SDK2: variants seen among roughly 807,000 people sequenced by gnomAD.
The protein encoded by SDK2 is protein sidekick-2.
In SDK2, 105 loss-of-function variants were observed where a neutral mutation model predicts 253.9. That is an observed-to-expected ratio of 0.41 (90% CI 0.35 to 0.49). The LOEUF (loss-of-function observed/expected upper bound fraction) is 0.49, where lower values mean the gene tolerates loss of function less well. Ranked by LOEUF, SDK2 falls within the 20% of genes least tolerant of loss-of-function variation. The pLI is 0.06. For synonymous variants in SDK2, 1,249 were observed against 1,234.9 expected (o/e 1.01, Z -0.24); for missense variants, 2,608 against 3,003.0 (o/e 0.87, Z 3.07).
At chr17:73,432,662 G>A (rs551573899) in intron 10 of SDK2, among the ~76,000 whole-genome samples, 121 of 151,748 alleles carry the variant, frequency 8.0e-4, no homozygotes, top group African/African-American at 2.8e-3. Context: ...GGGAGTGAAG[G>A]AGGTAGGGCT....
chr17:73,469,147 A>T (rs1446494786), intron 3 of SDK2, among the ~76,000 whole-genome samples: 1 of 152,042 alleles, frequency 6.6e-6, no homozygotes, highest in African/African-American at 2.4e-5. Context: ...ATTAAGCCAC[A>T]CTGCCTGTCA....
At chr17:73,572,774 C>T (rs1287761272) in intron 1 of SDK2, among the ~76,000 whole-genome samples, 1 of 152,110 alleles carries the variant, frequency 6.6e-6, no homozygotes. Context: ...TATCATTGAC[C>T]CCTTCTGTGT....
Position 73,398,352 on chromosome 17 carries a change from C to T in SDK2, c.3171G>A (p.Glu1057=). 3 of 1,614,008 alleles carry T rather than the reference C, an allele frequency of 1.9e-6. No homozygotes were observed. Among genetic ancestry groups the T allele is most frequent in the Non-Finnish European group, 2.5e-6 (3 of 1,179,872 alleles). ...LSNEPDARSM[E]VPDLNPFTCY... Reference sequence around the variant, plus strand: ...AGGTGAAGGGGTTGAGGTCGGGCACCTCCATGGAGCGGGCATCGGGCTCAT... The same window carrying T: ...AGGTGAAGGGGTTGAGGTCGGGCACTTCCATGGAGCGGGCATCGGGCTCAT... Residue 1057 remains glutamate, a synonymous_variant, in exon 23 of 45, where the codon GAG becomes GAA. Transcript: ENST00000392650.
chr17:73,418,885 A>C (rs904377), intron 16 of SDK2, among the ~76,000 whole-genome samples: 150,403 of 152,202 alleles, frequency 0.99, 74,346 homozygotes, highest in East Asian at 1. Context: ...AAAGTTACTT[A>C]TTTCTTCTCC....
intron 1 of SDK2, among the ~76,000 whole-genome samples, chr17:73,620,612 G>A (rs907725883): frequency 6.6e-6 from 1 of 152,204 alleles, no homozygotes; most frequent in Non-Finnish European, 1.5e-5. Context: ...CCAACAGGGG[G>A]AAATGGCACA....
rs8070821 is a variant in SDK2, at chr17:73,540,406, A to G, written c.65-32809T>C. ...ACACACAGTCCCCAATATACTAAAC[A>G]TATTTCTTTGTGTCTAACGTCAATG... On this transcript the variant is annotated intron_variant, in intron 1 of 44. Coordinates refer to ENST00000392650, the MANE Select transcript of SDK2 (RefSeq NM_001144952.2). Among the ~76,000 whole-genome samples the G allele has an allele frequency of 4.6e-3, 707 of 152,260 alleles. 1 individual carries two copies. The highest frequency in any genetic ancestry group is 0.016 in the African/African-American group (683 of 41,550).
At chr17:73,370,996 G>A (rs1228540255) in intron 36 of SDK2, among the ~76,000 whole-genome samples, 1 of 152,084 alleles carries the variant, frequency 6.6e-6, no homozygotes, top group Non-Finnish European at 1.5e-5. Context: ...CCCGGGAGGT[G>A]AAGGTTGCAG....
chr17:73,348,725 C>T lies in SDK2; in HGVS notation c.6039G>A (p.Arg2013=). 4 of 1,604,620 alleles carry T rather than the reference C, an allele frequency of 2.5e-6. No homozygotes were observed. The highest frequency in any genetic ancestry group is 1.1e-5 in the South Asian group (1 of 90,902). ...SFCRKNGLYT[R]SPPRPSPGSL... ...TGCCTGGGCTGGGCCTGGGGGGAGA[C>T]CTGGAGAGAGCGGGGGAGTGGGGCC... Residue 2013 remains arginine (R), a splice_region_variant and synonymous_variant, in exon 44 of 45, where the codon AGG becomes AGA. Coordinates refer to ENST00000392650, the MANE Select transcript of SDK2 (RefSeq NM_001144952.2).
chr17:73,587,745 C>G, intron 1 of SDK2, among the ~76,000 whole-genome samples: 1 of 152,214 alleles, frequency 6.6e-6, no homozygotes, highest in East Asian at 1.9e-4. Flanking sequence ...CCCTCAGGCC[C>G]GCTTCTCTGG....
intron 1 of SDK2, among the ~76,000 whole-genome samples, chr17:73,623,905 G>A (rs1288638980): frequency 6.6e-6 from 1 of 152,188 alleles, no homozygotes; most frequent in African/African-American, 2.4e-5. Flanking sequence ...TACTTAAGGG[G>A]GTGATTCCTT....
chr17:73,435,451 G>T lies in SDK2; in HGVS notation c.1194C>A (p.Thr398=). 1 of 1,588,230 alleles carries T rather than the reference G, an allele frequency of 6.3e-7. No individual in the cohort carries two copies. The highest frequency in any genetic ancestry group is 1.8e-5 in the Admixed American group (1 of 56,954). Residue 398 remains threonine (T), a splice_region_variant and synonymous_variant, in exon 9 of 45, where the codon ACC becomes ACA. Coordinates refer to ENST00000392650, the MANE Select transcript of SDK2 (RefSeq NM_001144952.2). This position sits in a 1 kb window ranked among gnomAD's most constrained non-coding sequence, Gnocchi z 5.7. ...EVQTSTYLAV[T]SIAPNITRGP... ...AGCACAAGGGAAGGCCCAACTTACTGGTGACAGCCAGGTAGGTGGAAGTTT... is the reference window on the plus strand; with the variant it reads ...AGCACAAGGGAAGGCCCAACTTACTTGTGACAGCCAGGTAGGTGGAAGTTT...
At chr17:73,456,643 G>A (rs1221214864) in intron 3 of SDK2, among the ~76,000 whole-genome samples, 1 of 152,228 alleles carries the variant, frequency 6.6e-6, no homozygotes, top group Non-Finnish European at 1.5e-5. Context: ...TAGTGTGTGA[G>A]TTTGTGTGTA....
At chr17:73,630,362 G>A (rs1397407576) in intron 1 of SDK2, among the ~76,000 whole-genome samples, 1 of 152,116 alleles carries the variant, frequency 6.6e-6, no homozygotes, top group Non-Finnish European at 1.5e-5. Context: ...ACTGCTCTAG[G>A]CCACTCCCTT....
intron 1 of SDK2, among the ~76,000 whole-genome samples, chr17:73,589,122 T>C (rs1201410703): frequency 4.6e-5 from 7 of 152,284 alleles, no homozygotes; most frequent in Admixed American, 2.6e-4. Flanking sequence ...TCACAGTCCC[T>C]GACTCACTCA....
chr17:73,350,837 C>A, intron 41 of SDK2, 47 bp from the exon 42 acceptor site: 2 of 1,553,080 alleles, frequency 1.3e-6, no homozygotes, highest in Non-Finnish European at 1.7e-6. Flanking sequence ...CCCCCTCCTC[C>A]CTCCAAATCT....
At chr17:73,510,491 T>C (rs1345317940) in intron 1 of SDK2, among the ~76,000 whole-genome samples, 2 of 152,108 alleles carry the variant, frequency 1.3e-5, no homozygotes, top group African/African-American at 4.8e-5. Context: ...TACGTCTGTC[T>C]GACTGCTGAT....
chr17:73,557,975 G>A (rs2045170606), intron 1 of SDK2, among the ~76,000 whole-genome samples: 1 of 152,172 alleles, frequency 6.6e-6, no homozygotes. Flanking sequence ...CTCTCCCCAG[G>A]GCTCCCTGGA....
At chr17:73,483,263 A>C (rs2063738081) in intron 2 of SDK2, among the ~76,000 whole-genome samples, 1 of 143,038 alleles carries the variant, frequency 7.0e-6, no homozygotes, top group African/African-American at 2.6e-5. Flanking sequence ...ATGGGAGGAG[A>C]GTGGGGCGAC....
intron 1 of SDK2, among the ~76,000 whole-genome samples, chr17:73,527,243 G>T (rs142868067): frequency 3.0e-4 from 45 of 152,332 alleles, no homozygotes; most frequent in South Asian, 6.2e-4. Flanking sequence ...GAGGGGAGCA[G>T]GATGATGCAG....
Sources: allele counts gnomAD v4.1 joint callset (sites outside exome capture counted in the v4.1 genomes callset), GRCh38; gene constraint gnomAD v4.1.1; non-coding constraint Gnocchi (gnomAD v3.1); transcripts MANE v1.5; gene names NCBI Gene and HGNC (gene_info 2026-07-23, HGNC 2026-07-21).